Variants in NALF1 observed in about 807,000 individuals in gnomAD.
NALF1 encodes the protein family with sequence similarity 155 member A.
Under a neutral mutation model 48.4 loss-of-function variants are expected in NALF1, and 3 were observed. The observed-to-expected ratio is 0.06, with a 90% confidence interval of 0.03 to 0.16. The LOEUF (loss-of-function observed/expected upper bound fraction) is 0.16, where lower values mean the gene tolerates loss of function less well. NALF1 is among the 10% of genes least tolerant of loss of function. NALF1 has a pLI of 1.00. For synonymous variants in NALF1, 262 were observed against 245.7 expected (o/e 1.07, Z -0.62); for missense variants, 526 against 571.5 (o/e 0.92, Z 0.81).
At chr13:107,650,283 G>C (rs553992543) in intron 1 of NALF1, among the ~76,000 whole-genome samples, 1 of 151,548 alleles carries the variant, frequency 6.6e-6, no homozygotes, top group East Asian at 2.0e-4. Context: ...TGGCCTGAAG[G>C]GGGCGAGCGA....
At chr13:107,263,026 AG>A (rs1880964696) in intron 1 of NALF1, among the ~76,000 whole-genome samples, 1 of 152,142 alleles carries the variant, frequency 6.6e-6, no homozygotes, top group African/African-American at 2.4e-5. Context: ...TTTAATGGGT[AG>A]CAAAGGTGAG....
intron 1 of NALF1, among the ~76,000 whole-genome samples, chr13:107,786,947 G>A (rs576357118): frequency 5.9e-5 from 9 of 152,242 alleles, no homozygotes; most frequent in African/African-American, 1.4e-4. Flanking sequence ...GACAATGGAC[G>A]CCTGAGATAT....
At chr13:107,863,654 C>A (rs1182562753) in intron 1 of NALF1, among the ~76,000 whole-genome samples, 1 of 152,132 alleles carries the variant, frequency 6.6e-6, no homozygotes, top group Non-Finnish European at 1.5e-5. Context: ...TTTGTGCCTA[C>A]AATTAACTTC....
chr13:107,474,845 G>A (rs1170201888), intron 1 of NALF1, among the ~76,000 whole-genome samples: 1 of 152,122 alleles, frequency 6.6e-6, no homozygotes, highest in African/African-American at 2.4e-5. Context: ...ATACTCACAA[G>A]TATAAGACAT....
At chr13:107,231,087 A>AAT (rs1880213824) in intron 1 of NALF1, among the ~76,000 whole-genome samples, 6 of 151,504 alleles carry the variant, frequency 4.0e-5, no homozygotes, top group Non-Finnish European at 8.8e-5. Flanking sequence ...AAAGGAAGAA[A>AAT]AGAAAAAACA....
At chr13:107,208,238 G>C (rs112578826) in intron 2 of NALF1, among the ~76,000 whole-genome samples, 1 of 152,178 alleles carries the variant, frequency 6.6e-6, no homozygotes, top group Non-Finnish European at 1.5e-5. Flanking sequence ...CAAATGTTCA[G>C]TGATGAGATT....
intron 1 of NALF1, among the ~76,000 whole-genome samples, chr13:107,527,837 G>A (rs1876495810): frequency 6.6e-6 from 1 of 152,048 alleles, no homozygotes; most frequent in African/African-American, 2.4e-5. Flanking sequence ...AGCTTCCCCA[G>A]CCACGTGGAA....
At position 107,210,730 on chromosome 13, in the gene NALF1, G is replaced by C. The variant is rs1281670105; in HGVS notation, c.941C>G (p.Ser314Cys). 6.2e-7 allele frequency: 1 copy of C among 1,612,420 alleles called. No individual in the cohort carries two copies. ...CKIVYKAWLCSQYFEVTQFNC... is the reference protein window; with the variant it reads ...CKIVYKAWLCCQYFEVTQFNC... ...AAACTGTGTGACTTCAAAATACTGG[G>C]AACAGAGCCAGGCTTTGTAGACAAT... Residue 314 changes from serine to cysteine, a missense_variant, in exon 2 of 3, where the codon TCC (serine) becomes TGC (cysteine). Coordinates refer to ENST00000375915, the MANE Select transcript of NALF1 (RefSeq NM_001080396.3).
At chr13:107,192,518 C>T (rs1879304859) in intron 2 of NALF1, among the ~76,000 whole-genome samples, 2 of 152,136 alleles carry the variant, frequency 1.3e-5, no homozygotes, top group Non-Finnish European at 2.9e-5. Flanking sequence ...CGCTTAAGCA[C>T]CCGTGGTACA....
At chr13:107,685,125 T>G (rs1472540171) in intron 1 of NALF1, among the ~76,000 whole-genome samples, 2 of 152,144 alleles carry the variant, frequency 1.3e-5, no homozygotes, top group Non-Finnish European at 2.9e-5. Flanking sequence ...CCAGCCTGGC[T>G]AACATGGTGA....
chr13:107,794,169 T>C (rs529046664), intron 1 of NALF1, among the ~76,000 whole-genome samples: 19 of 152,186 alleles, frequency 1.2e-4, no homozygotes, highest in Non-Finnish European at 2.6e-4. Context: ...TCCACGGGAC[T>C]GCAACTTACA....
At chr13:107,240,525 T>C (rs984393740) in intron 1 of NALF1, among the ~76,000 whole-genome samples, 1 of 152,198 alleles carries the variant, frequency 6.6e-6, no homozygotes, top group Non-Finnish European at 1.5e-5. Context: ...TTATCTATTA[T>C]CATTTGTATA....
intron 1 of NALF1, among the ~76,000 whole-genome samples, chr13:107,608,256 C>T (rs1245384116): frequency 6.6e-6 from 1 of 152,020 alleles, no homozygotes; most frequent in Non-Finnish European, 1.5e-5. Flanking sequence ...TGTGAGAAAC[C>T]CAGGACACGT....
chr13:107,571,777 T>A (rs749297303), intron 1 of NALF1, among the ~76,000 whole-genome samples: 4 of 152,170 alleles, frequency 2.6e-5, no homozygotes, highest in Non-Finnish European at 4.4e-5. Flanking sequence ...AGAGTGGTAC[T>A]GAATTGTAGG....
chr13:107,612,825 C>T (rs548127883), intron 1 of NALF1, among the ~76,000 whole-genome samples: 8 of 152,062 alleles, frequency 5.3e-5, no homozygotes, highest in Non-Finnish European at 8.8e-5. Flanking sequence ...CATAATCACA[C>T]GAGACATATT....
intron 1 of NALF1, among the ~76,000 whole-genome samples, chr13:107,676,795 T>G (rs1881138717): frequency 6.6e-6 from 1 of 152,156 alleles, no homozygotes; most frequent in African/African-American, 2.4e-5. Context: ...AAAATAGTAC[T>G]TATGTTTATT....
chr13:107,766,649 T>C (rs765905337), intron 1 of NALF1, among the ~76,000 whole-genome samples: 7 of 152,342 alleles, frequency 4.6e-5, no homozygotes, highest in East Asian at 3.9e-4. Flanking sequence ...TTTATATCTG[T>C]GTATGTAAAA....
Position 107,343,398 on chromosome 13 carries a change from G to A in NALF1, c.916-132643C>T, listed in dbSNP as rs540372633. Among the ~76,000 whole-genome samples the A allele has an allele frequency of 3.3e-5, 5 of 152,276 alleles. No homozygotes were observed. The South Asian group carries it at 1.0e-3, about 32-fold the overall frequency. ...GTGGGAGGTGATTGAATCATGGGGG[G>A]CAGGTCTTTCCCATGCTGCTCTCAT... On this transcript the variant is annotated intron_variant, in intron 1 of 2. Coordinates refer to ENST00000375915, the MANE Select transcript of NALF1 (RefSeq NM_001080396.3).
intron 1 of NALF1, among the ~76,000 whole-genome samples, chr13:107,338,950 G>A (rs1173461362): frequency 1.3e-5 from 2 of 151,894 alleles, no homozygotes; most frequent in Non-Finnish European, 1.5e-5. Flanking sequence ...GGCTAACACG[G>A]TGAAACCCCG....
Sources: allele counts gnomAD v4.1 joint callset (sites outside exome capture counted in the v4.1 genomes callset), GRCh38; gene constraint gnomAD v4.1.1; transcripts MANE v1.5; gene names NCBI Gene and HGNC (gene_info 2026-07-23, HGNC 2026-07-21).